The following CDC14A variants were observed in gnomAD, a reference collection of about 807,000 sequenced individuals.
CDC14A encodes the protein cell division cycle 14A.
A neutral mutation model predicts 74.4 loss-of-function variants in CDC14A; 53 were observed. That is an observed-to-expected ratio of 0.71 (90% CI 0.57 to 0.89). CDC14A has a LOEUF of 0.89. Among genes scored for constraint, CDC14A ranks in the 40% least tolerant of loss-of-function variants. CDC14A has a pLI of 0.00. For synonymous variants in CDC14A, 247 were observed against 258.4 expected (o/e 0.96, Z 0.43); for missense variants, 646 against 713.7 (o/e 0.91, Z 1.08).
intron 4 of CDC14A, among the ~76,000 whole-genome samples, chr1:100,394,591 C>A (rs1028105273): frequency 3.3e-5 from 5 of 152,168 alleles, no homozygotes; most frequent in African/African-American, 1.2e-4. Context: ...TTTAAAGCAA[C>A]CAAAAGGGGA....
At chr1:100,430,528 C>A (rs1384189847) in intron 5 of CDC14A, among the ~76,000 whole-genome samples, 1 of 152,150 alleles carries the variant, frequency 6.6e-6, no homozygotes, top group Non-Finnish European at 1.5e-5. Context: ...ACTTGTAGGT[C>A]TTTAAACAAA....
intron 3 of CDC14A, among the ~76,000 whole-genome samples, chr1:100,384,337 A>G (rs1203128995): frequency 6.6e-6 from 1 of 152,218 alleles, no homozygotes; most frequent in Non-Finnish European, 1.5e-5. Context: ...GATTATGTTA[A>G]TTGATAGTCA....
chr1:100,439,287 T>C (rs1664671300), intron 5 of CDC14A, among the ~76,000 whole-genome samples: 1 of 152,152 alleles, frequency 6.6e-6, no homozygotes, highest in South Asian at 2.1e-4. Flanking sequence ...TCTTTTCTTT[T>C]TTGTAGGGGA....
intron 9 of CDC14A, 42 bp downstream of exon 9, chr1:100,462,923 G>T: frequency 1.4e-6 from 2 of 1,475,116 alleles, no homozygotes; most frequent in Non-Finnish European, 1.9e-6. Context: ...GCTTATCGAA[G>T]GGGCGGGCCA....
At chr1:100,495,533 G>C (rs1002520536) in intron 12 of CDC14A, among the ~76,000 whole-genome samples, 1 of 152,146 alleles carries the variant, frequency 6.6e-6, no homozygotes, top group African/African-American at 2.4e-5. Context: ...GCAAACGTTT[G>C]TAAATATCAT....
chr1:100,455,802 T>A (rs1199642376), intron 8 of CDC14A, among the ~76,000 whole-genome samples: 1 of 152,214 alleles, frequency 6.6e-6, no homozygotes, highest in African/African-American at 2.4e-5. Flanking sequence ...ATTGCTGTAT[T>A]CTTTCAGTGG....
chr1:100,420,682 T>C (rs1680054772), intron 4 of CDC14A, among the ~76,000 whole-genome samples: 1 of 152,010 alleles, frequency 6.6e-6, no homozygotes, highest in African/African-American at 2.4e-5. Context: ...CAAAAGTAAA[T>C]GTGTGTTTAA....
intron 5 of CDC14A, among the ~76,000 whole-genome samples, chr1:100,435,823 TAAAAAAAAAA>T (rs10545372): frequency 1.0e-5 from 1 of 97,958 alleles, no homozygotes; most frequent in Non-Finnish European, 2.0e-5. Flanking sequence ...AGACTTCGTC[TAAAAAAAAAA>T]AAAAAAAAAA....
intron 10 of CDC14A, among the ~76,000 whole-genome samples, chr1:100,482,769 T>G (rs1669613285): frequency 7.3e-6 from 1 of 137,098 alleles, no homozygotes; most frequent in Admixed American, 7.3e-5. Flanking sequence ...TCAACCTATC[T>G]CTCTCTCTCT....
intron 2 of CDC14A, among the ~76,000 whole-genome samples, chr1:100,371,602 A>C (rs1359712002): frequency 6.6e-6 from 1 of 152,178 alleles, no homozygotes; most frequent in East Asian, 1.9e-4. Context: ...TGTCACATTT[A>C]TTGGTTTGCA....
In CDC14A at chr1:100,382,055, C is replaced by T. The variant is rs573480250; in HGVS notation, c.216+4434C>T. Among the ~76,000 whole-genome samples the T allele has an allele frequency of 1.9e-4, 29 of 151,922 alleles. No individual in the cohort carries two copies. In the South Asian group the frequency reaches 6.0e-3, roughly 32 times the overall value. ...CAATTTTGTATGTATTTACATTTTT[C>T]TTCTGGGAGGATTCATGGCTTTTTT... On this transcript the variant is annotated intron_variant, in intron 3 of 15. Transcript: ENST00000336454.
intron 15 of CDC14A, among the ~76,000 whole-genome samples, chr1:100,500,811 AGTGTGTGTGTGTGTGTGTGTGTGT>A (rs58424420): frequency 5.5e-4 from 72 of 131,322 alleles, no homozygotes; most frequent in African/African-American, 1.9e-3. Context: ...ATGAGAATGC[AGTGTGTGTGTGTGTGTGTGTGTGT>A]GTGTGTGTGT....
rs756072930 is a variant in CDC14A, at chr1:100,498,190, G to A, written c.1404G>A (p.Ser468=). Residue 468 remains serine (S), a synonymous_variant, in exon 14 of 16, where the codon TCG becomes TCA. Transcript: ENST00000336454. ...GGATCAACAGAACTTCTTTGTCTTC[G>A]GGTGCCACTGTAAGAAGGTAATTTT... is the stretch of plus-strand genomic sequence containing the variant. ...AKRINRTSLS[S]GATVRSFSIN... is the part of the protein sequence containing the mutation. 55 of 1,613,950 alleles carry A rather than the reference G, an allele frequency of 3.4e-5. No homozygotes were observed. Among genetic ancestry groups the A allele is most frequent in the African/African-American group, 5.3e-5 (4 of 75,008 alleles).
At chr1:100,390,927 G>A in intron 4 of CDC14A, 103 bp downstream of exon 4, 3 of 786,210 alleles carry the variant, frequency 3.8e-6, no homozygotes, top group Non-Finnish European at 2.2e-6. Context: ...GAGAGACGGT[G>A]GAGATTATTA....
intron 4 of CDC14A, among the ~76,000 whole-genome samples, chr1:100,419,965 T>C (rs1380081135): frequency 6.9e-6 from 1 of 144,644 alleles, no homozygotes; most frequent in African/African-American, 2.5e-5. Flanking sequence ...AATATAAATA[T>C]AATTAATGTA....
intron 2 of CDC14A, among the ~76,000 whole-genome samples, chr1:100,355,333 G>A (rs1024771703): frequency 1.3e-5 from 2 of 152,186 alleles, no homozygotes; most frequent in Admixed American, 1.3e-4. Flanking sequence ...TTGTTAATAT[G>A]TCATTGAATG....
intron 3 of CDC14A, among the ~76,000 whole-genome samples, chr1:100,388,316 C>G (rs1657157084): frequency 6.6e-6 from 1 of 152,082 alleles, no homozygotes; most frequent in African/African-American, 2.4e-5. Context: ...GTGGCAAAAC[C>G]AACCAACCAC....
At chr1:100,432,855 C>A (rs1663869268) in intron 5 of CDC14A, among the ~76,000 whole-genome samples, 1 of 152,054 alleles carries the variant, frequency 6.6e-6, no homozygotes. Context: ...TTGTACATAG[C>A]TCATAATTAA....
intron 11 of CDC14A, among the ~76,000 whole-genome samples, chr1:100,488,113 T>C (rs986910574): frequency 1.3e-5 from 2 of 152,176 alleles, no homozygotes; most frequent in African/African-American, 2.4e-5. Flanking sequence ...ACTTTAACAT[T>C]TAGGGGCCTA....
Sources: allele counts gnomAD v4.1 joint callset (sites outside exome capture counted in the v4.1 genomes callset), GRCh38; gene constraint gnomAD v4.1.1; transcripts MANE v1.5; gene names NCBI Gene and HGNC (gene_info 2026-07-23, HGNC 2026-07-21).